SCRG1: variants seen among roughly 807,000 people sequenced by gnomAD.
The protein encoded by SCRG1 is stimulator of chondrogenesis 1, also known as scrapie-responsive protein 1.
A neutral mutation model predicts 7.7 loss-of-function variants in SCRG1; 3 were observed. That is an observed-to-expected ratio of 0.39 (90% confidence interval 0.18 to 1.01). The LOEUF (loss-of-function observed/expected upper bound fraction) is 1.01. Among genes scored for constraint, SCRG1 ranks in the 50% least tolerant of loss-of-function variants. The pLI, the probability that SCRG1 is intolerant of heterozygous loss-of-function variation, is 0.36. For missense variants in SCRG1, 110 were observed against 117.2 expected, an observed-to-expected ratio of 0.94 and a Z score of 0.28; for synonymous variants, 46 against 41.2, an observed-to-expected ratio of 1.12 and a Z score of -0.44.
At chr4:173,407,165 T>A (rs1332908015), upstream of SCRG1, among the ~76,000 whole-genome samples, 1 of 149,676 alleles carries the variant, frequency 6.7e-6, no homozygotes, top group Non-Finnish European at 1.5e-5. Context: ...GCTGAGATCA[T>A]GCCACTGTAT....
At chr4:173,390,677 C>T (rs1002078389) in intron 2 of SCRG1, among the ~76,000 whole-genome samples, 5 of 151,934 alleles carry the variant, frequency 3.3e-5, no homozygotes, top group Admixed American at 1.3e-4. Context: ...TTGCATAGAA[C>T]GGGGTTTCAC....
At chr4:173,484,131 T>TATACAAG in the SCRG1 span, among the ~76,000 whole-genome samples, 1 of 85,024 alleles carries the variant, frequency 1.2e-5, no homozygotes, top group African/African-American at 4.7e-5. Context: ...CAATATATAA[T>TATACAAG]ATATAATATA....
the SCRG1 span, among the ~76,000 whole-genome samples, chr4:173,443,239 C>T: frequency 6.6e-6 from 1 of 151,914 alleles, no homozygotes; most frequent in South Asian, 2.1e-4. Flanking sequence ...AAAAATATCA[C>T]AGAATAGAAA....
intron 1 of SCRG1, among the ~76,000 whole-genome samples, chr4:173,405,587 A>G (rs923187952): frequency 6.6e-6 from 1 of 152,112 alleles, no homozygotes; most frequent in African/African-American, 2.4e-5. Context: ...TTTGTCCATC[A>G]TTGCTTATTT....
chr4:173,452,141 C>T, the SCRG1 span, among the ~76,000 whole-genome samples: 5 of 150,706 alleles, frequency 3.3e-5, no homozygotes, highest in Non-Finnish European at 5.9e-5. Context: ...GAGGCTGAGG[C>T]GGGAGAATTG....
At chr4:173,454,395 C>T in the SCRG1 span, among the ~76,000 whole-genome samples, 1 of 151,950 alleles carries the variant, frequency 6.6e-6, no homozygotes, top group East Asian at 1.9e-4. Flanking sequence ...AGGTTAGGGG[C>T]AAGGCAAGGA....
Position 173,385,937 on chromosome 4 carries a change from A to G in SCRG1, c.*2404T>C, listed in dbSNP as rs1739231710. On this transcript the variant is annotated 3_prime_UTR_variant, in exon 3 of 3. Coordinates refer to ENST00000296506, the MANE Select transcript of SCRG1 (RefSeq NM_007281.4). ...ATGCATTGTTCCAGAATGGATATGA[A>G]ACTTTCATTATTGAGTTAGGCTGAT... 1 of 152,202 alleles carries G rather than the reference A, an allele frequency of 6.6e-6. No homozygotes were observed. Among genetic ancestry groups the G allele is most frequent in the South Asian group, 2.1e-4 (1 of 4,832 alleles). The allele number at this position is 152,202 out of a possible 1,614,324, so 9.4% of individuals were successfully genotyped here. A position where few individuals can be genotyped will look rare whatever the true frequency, so the allele number is the denominator to read the frequency against.
At chr4:173,414,503 C>T in the SCRG1 span, among the ~76,000 whole-genome samples, 4 of 152,122 alleles carry the variant, frequency 2.6e-5, no homozygotes, top group Admixed American at 1.3e-4. Context: ...CACATGGTGA[C>T]GTACAGGGGA....
chr4:173,484,701 C>CATATAATACATATTATATATTATATGA, the SCRG1 span, among the ~76,000 whole-genome samples: 1 of 86,524 alleles, frequency 1.2e-5, no homozygotes, highest in East Asian at 3.5e-4. Context: ...ATATTATATG[C>CATATAATACATATTATATATTATATGA]ATATAATACA....
At chr4:173,419,388 G>C in the SCRG1 span, 1 of 1,201,716 alleles carries the variant, frequency 8.3e-7, no homozygotes, top group Non-Finnish European at 1.2e-6. Flanking sequence ...TCATAGACTG[G>C]ATTCTCTCGT....
the SCRG1 span, among the ~76,000 whole-genome samples, chr4:173,435,232 T>A: frequency 6.6e-6 from 1 of 152,084 alleles, no homozygotes; most frequent in African/African-American, 2.4e-5. Flanking sequence ...GTGTTGACAG[T>A]CCCTATCCTG....
At chr4:173,449,552 T>C in the SCRG1 span, among the ~76,000 whole-genome samples, 433 of 151,992 alleles carry the variant, frequency 2.8e-3, no homozygotes, top group African/African-American at 9.9e-3. Flanking sequence ...ACTGGCCTCT[T>C]GGCTCTTGCA....
chr4:173,408,284 C>A (rs939022840), upstream of SCRG1, among the ~76,000 whole-genome samples: 7 of 152,174 alleles, frequency 4.6e-5, no homozygotes, highest in Non-Finnish European at 8.8e-5. Flanking sequence ...CTTTCTATAA[C>A]ACTGTCTTCT....
the SCRG1 span, among the ~76,000 whole-genome samples, chr4:173,483,275 A>G: frequency 3.3e-5 from 1 of 30,286 alleles, no homozygotes; most frequent in Admixed American, 5.2e-4. Flanking sequence ...TATATGATAT[A>G]TAATATATGA....
intron 1 of SCRG1, among the ~76,000 whole-genome samples, chr4:173,396,078 T>C (rs533191482): frequency 1.3e-5 from 2 of 152,210 alleles, no homozygotes; most frequent in Admixed American, 1.3e-4. Context: ...TGAGAACTGA[T>C]GGGATATATG....
Position 173,391,443 on chromosome 4 carries a change from A to G in SCRG1, c.-14-15T>C, listed in dbSNP as rs757824098. On this transcript the variant is annotated splice_polypyrimidine_tract_variant and intron_variant, in intron 1 of 2. Transcript: ENST00000296506. ...GGCTTTTGGCCCTGAAATAGAAGAAAGACCAAAATGTGTCAATGTTTGTTT... is the reference window on the plus strand; with the variant it reads ...GGCTTTTGGCCCTGAAATAGAAGAAGGACCAAAATGTGTCAATGTTTGTTT... The G allele has an allele frequency of 3.5e-5, 56 of 1,613,136 alleles. No individual in the cohort carries two copies. In the South Asian group the frequency reaches 6.0e-4, roughly 17 times the overall value.
upstream of SCRG1, among the ~76,000 whole-genome samples, chr4:173,403,759 G>C (rs1311179399): frequency 1.3e-5 from 2 of 152,094 alleles, no homozygotes; most frequent in Non-Finnish European, 2.9e-5. Flanking sequence ...GTCTCTAAGG[G>C]GCATTGGACT....
chr4:173,476,153 G>A, the SCRG1 span, among the ~76,000 whole-genome samples: 93 of 151,494 alleles, frequency 6.1e-4, no homozygotes, highest in African/African-American at 1.9e-3. Flanking sequence ...AGGAGCTGAC[G>A]TTGAAAGCAA....
the SCRG1 span, among the ~76,000 whole-genome samples, chr4:173,431,062 C>G: frequency 6.6e-6 from 1 of 152,084 alleles, no homozygotes; most frequent in East Asian, 1.9e-4. Flanking sequence ...AAGCCCAAAC[C>G]CCAGCATGAT....
Sources: gnomAD v4.1 joint callset for allele counts (sites outside exome capture counted in the v4.1 genomes callset) on GRCh38, gnomAD v4.1.1 for gene constraint, MANE v1.5 for transcripts, NCBI Gene and HGNC (gene_info 2026-07-23, HGNC 2026-07-21) for gene names.